CLSTN1: variants seen among roughly 807,000 people sequenced by gnomAD.
CLSTN1 encodes the protein calsyntenin 1, also known as calsyntenin-1.
Under a neutral mutation model 108.3 loss-of-function variants are expected in CLSTN1, and 28 were observed. The observed-to-expected ratio is 0.26, with a 90% CI of 0.19 to 0.35. The LOEUF is 0.35. CLSTN1 is among the 10% of genes least tolerant of loss of function. CLSTN1 has a pLI of 1.00. For synonymous variants in CLSTN1, 524 were observed against 534.9 expected (o/e 0.98, Z 0.28); for missense variants, 1,157 against 1,302.6 (o/e 0.89, Z 1.72).
chr1:9,736,013 G>C lies in CLSTN1; in HGVS notation c.1606C>G (p.Arg536Gly). 1 of 1,614,148 alleles carries C rather than the reference G, an allele frequency of 6.2e-7. No individual in the cohort carries two copies. The highest frequency in any genetic ancestry group is 8.5e-7 in the Non-Finnish European group (1 of 1,180,034). The change falls in exon 12 of 19, where the codon CGA becomes GGA. Residue 536 changes from arginine to glycine, a missense_variant. Transcript: ENST00000377298. ...AGAGTTAAGCCAGCCAGATTGCCTCGGAAAAACTGGGTCATGTGCAGGTCG... is the reference window on the plus strand; with the variant it reads ...AGAGTTAAGCCAGCCAGATTGCCTCCGAAAAACTGGGTCATGTGCAGGTCG... Reference protein sequence around the residue: ...GGDLHMTQFFRGNLAGLTLRS... With the variant: ...GGDLHMTQFFGGNLAGLTLRS...
Position 9,823,491 on chromosome 1 carries a change from G to T in CLSTN1, c.91+152C>A. The T allele has an allele frequency of 2.8e-6, 1 of 363,446 alleles. No homozygotes were observed. Among genetic ancestry groups the T allele is most frequent in the Non-Finnish European group, 4.1e-6 (1 of 244,528 alleles). The allele number at this position is 363,446 out of a possible 1,614,324, so 22.5% of individuals were successfully genotyped here. A position where few individuals can be genotyped will look rare whatever the true frequency, so the allele number is the denominator to read the frequency against. Reference sequence around the variant, plus strand: ...CCCACGCCCTGACCCGGCTCCCTGCGCTCGGACCCGACTCCCCGCATCCCG... The same window carrying T: ...CCCACGCCCTGACCCGGCTCCCTGCTCTCGGACCCGACTCCCCGCATCCCG... On this transcript the variant is annotated intron_variant, in intron 1 of 18. Transcript: ENST00000377298. The surrounding 1 kb of genome is among the most constrained non-coding windows in gnomAD (Gnocchi z 6.3).
chr1:9,761,822 C>T (rs1353634566), intron 2 of CLSTN1, among the ~76,000 whole-genome samples: 1 of 152,160 alleles, frequency 6.6e-6, no homozygotes, highest in Non-Finnish European at 1.5e-5. Flanking sequence ...AGCTAAGGTT[C>T]TCTGATTGTA....
intron 1 of CLSTN1, among the ~76,000 whole-genome samples, chr1:9,803,432 T>G (rs960699912): frequency 1.3e-4 from 20 of 152,194 alleles, no homozygotes; most frequent in African/African-American, 4.6e-4. Flanking sequence ...AAAACCAGAT[T>G]CTGAGAAAAG....
rs116435478 is a variant in CLSTN1 at position 9,811,252 on chromosome 1, G to A, written c.91+12391C>T. Among the ~76,000 whole-genome samples, 1,116 of 152,246 alleles carry A rather than the reference G, an allele frequency of 7.3e-3. 13 individuals carry two copies. Among genetic ancestry groups the A allele is most frequent in the African/African-American group, 0.025 (1,045 of 41,544 alleles). On this transcript the variant is annotated intron_variant, in intron 1 of 18. Coordinates refer to ENST00000377298, the MANE Select transcript of CLSTN1 (RefSeq NM_001009566.3). ...CAGTGGTACTTACTCCAATTTAGAAGAAGTTTTAACATGTCAGATTTCATA... is the reference window on the plus strand; with the variant it reads ...CAGTGGTACTTACTCCAATTTAGAAAAAGTTTTAACATGTCAGATTTCATA...
At chr1:9,806,520 A>AG (rs1654512752) in intron 1 of CLSTN1, among the ~76,000 whole-genome samples, 1 of 152,230 alleles carries the variant, frequency 6.6e-6, no homozygotes, top group Admixed American at 6.5e-5. Context: ...AATACCCTGT[A>AG]GAATATGACT....
Position 9,731,228 on chromosome 1 carries a change from G to C in CLSTN1, c.2726C>G (p.Thr909Ser). Residue 909 changes from threonine to serine, a missense_variant, in exon 18 of 19, where the codon ACC (threonine) becomes AGC (serine). Thr to Ser is a moderately conservative substitution (Grantham distance 58). Transcript: ENST00000377298. ...NEMDWDDSAL[T>S]ITVNPMETYE... Reference sequence around the variant, plus strand: ...TACCTCCATGGGGTTGACGGTGATGGTCAGGGCAGAGTCGTCCCAGTCCAT... The same window carrying C: ...TACCTCCATGGGGTTGACGGTGATGCTCAGGGCAGAGTCGTCCCAGTCCAT... 1 of 1,614,238 alleles carries C rather than the reference G, an allele frequency of 6.2e-7. No homozygotes were observed.
intron 7 of CLSTN1, among the ~76,000 whole-genome samples, chr1:9,745,541 CA>C (rs994660028): frequency 1.3e-5 from 2 of 151,678 alleles, no homozygotes; most frequent in African/African-American, 4.8e-5. Flanking sequence ...CCTGTAGTCC[CA>C]GCTACTTGGG....
intron 1 of CLSTN1, among the ~76,000 whole-genome samples, chr1:9,789,004 C>T (rs767102232): frequency 2.6e-5 from 4 of 151,198 alleles, no homozygotes; most frequent in Admixed American, 6.7e-5. Context: ...CTGTGGCATG[C>T]GTTGGAATTC....
At chr1:9,797,480 A>T (rs992598734) in intron 1 of CLSTN1, among the ~76,000 whole-genome samples, 7 of 152,114 alleles carry the variant, frequency 4.6e-5, no homozygotes, top group African/African-American at 1.4e-4. Flanking sequence ...TACAAAATAA[A>T]TTTTTTTAAA....
At chr1:9,744,052 G>T in intron 8 of CLSTN1, 47 bp from the exon 9 acceptor site, 1 of 1,600,316 alleles carries the variant, frequency 6.2e-7, no homozygotes, top group Non-Finnish European at 8.5e-7. Flanking sequence ...AAGATCCAAA[G>T]GAGAAATTAA....
chr1:9,821,672 CAG>C (rs997242977), intron 1 of CLSTN1, among the ~76,000 whole-genome samples: 1 of 152,232 alleles, frequency 6.6e-6, no homozygotes, highest in Non-Finnish European at 1.5e-5. Flanking sequence ...AACGAGCCCA[CAG>C]AGTGTCTCCA....
At chr1:9,783,571 T>G (rs570424404) in intron 1 of CLSTN1, among the ~76,000 whole-genome samples, 16 of 150,588 alleles carry the variant, frequency 1.1e-4, no homozygotes, top group African/African-American at 3.7e-4. Context: ...AACACAAAAA[T>G]TAGGCCAGGC....
At chr1:9,764,392 T>G (rs934781158) in intron 2 of CLSTN1, among the ~76,000 whole-genome samples, 3 of 152,100 alleles carry the variant, frequency 2.0e-5, no homozygotes, top group African/African-American at 7.2e-5. Flanking sequence ...ATCCCAACAC[T>G]TTGGGAGGCC....
chr1:9,741,016 T>A, intron 10 of CLSTN1, 78 bp downstream of exon 10: 1 of 1,477,302 alleles, frequency 6.8e-7, no homozygotes, highest in Non-Finnish European at 9.3e-7. Context: ...AGGATACCGA[T>A]CACAGCCTGC....
intron 1 of CLSTN1, among the ~76,000 whole-genome samples, chr1:9,795,256 C>T (rs1241734439): frequency 6.6e-6 from 1 of 150,570 alleles, no homozygotes; most frequent in Non-Finnish European, 1.5e-5. Context: ...ACCTCTGCCT[C>T]CTGGGTTCAA....
At chr1:9,742,586 T>C (rs767278935) in intron 9 of CLSTN1, among the ~76,000 whole-genome samples, 1 of 152,244 alleles carries the variant, frequency 6.6e-6, no homozygotes, top group Admixed American at 6.5e-5. Context: ...TCCACCTATG[T>C]TGCAAAATAT....
chr1:9,768,627 C>T (rs1252579330), intron 2 of CLSTN1, among the ~76,000 whole-genome samples: 5 of 107,812 alleles, frequency 4.6e-5, no homozygotes, highest in East Asian at 2.9e-4. Flanking sequence ...TTGGGTGACA[C>T]CATGGGGGCA....
rs1174846852 is a variant in CLSTN1, at chr1:9,734,338, G to T, written c.2111-196C>A. Among the ~76,000 whole-genome samples the T allele has an allele frequency of 2.0e-5, 3 of 152,162 alleles. No individual in the cohort carries two copies. Among genetic ancestry groups the T allele is most frequent in the Non-Finnish European group, 4.4e-5 (3 of 68,018 alleles). On this transcript the variant is annotated intron_variant, in intron 14 of 18. Coordinates refer to ENST00000377298, the MANE Select transcript of CLSTN1 (RefSeq NM_001009566.3). The surrounding 1 kb of genome is among the most constrained non-coding windows in gnomAD (Gnocchi z 4.8). ...GCCTGTAATCCCAGCACTTTGGGAG[G>T]CCAAGACGGGTGGATCACCTGAGGT...
chr1:9,815,943 A>C (rs1330849025), intron 1 of CLSTN1, among the ~76,000 whole-genome samples: 1 of 152,106 alleles, frequency 6.6e-6, no homozygotes. Flanking sequence ...CTCAAAAAAA[A>C]ATTTTTTTAA....
Sources: gnomAD v4.1 joint callset for allele counts (sites outside exome capture counted in the v4.1 genomes callset) on GRCh38, gnomAD v4.1.1 for gene constraint, Gnocchi (gnomAD v3.1) non-coding constraint, MANE v1.5 for transcripts, NCBI Gene and HGNC (gene_info 2026-07-23, HGNC 2026-07-21) for gene names.